Variants in GPR143 observed in about 807,000 individuals in gnomAD.
GPR143 encodes the protein G protein-coupled receptor 143.
Under a neutral mutation model 27.6 loss-of-function variants are expected in GPR143, and 8 were observed. The ratio of observed to expected loss-of-function variants is 0.29; its 90% CI spans 0.17 to 0.52. The LOEUF (loss-of-function observed/expected upper bound fraction) is 0.52, where lower values mean the gene tolerates loss of function less well. Among genes scored for constraint, GPR143 ranks in the 20% least tolerant of loss-of-function variants. The pLI is 0.96. For missense variants in GPR143, 303 were observed against 343.1 expected (o/e 0.88, Z 0.92); for synonymous variants, 156 against 153.2 (o/e 1.02, Z -0.13).
At chrX:9,740,775 A>G (rs2083400003) in intron 7 of GPR143, 1 of 283,204 alleles carries the variant, frequency 3.5e-6, no homozygotes, top group South Asian at 2.3e-4. Context: ...TTTTTTTGGA[A>G]CTCCAGGTTG....
At chrX:9,764,516 A>G (rs80142830) in intron 1 of GPR143, among the ~76,000 whole-genome samples, 762 of 18,618 alleles carry the variant, frequency 0.041, 20 homozygotes, top group Admixed American at 0.2. Flanking sequence ...ACACACACAC[A>G]CACACACACA....
chrX:9,750,744 G>A (rs2083447953), intron 3 of GPR143, among the ~76,000 whole-genome samples: 1 of 111,149 alleles, frequency 9.0e-6, no homozygotes, highest in Non-Finnish European at 1.9e-5. Context: ...TGTATTTTTA[G>A]TAGAGGCAGC....
At chrX:9,765,124 C>T (rs1456673564) in intron 1 of GPR143, among the ~76,000 whole-genome samples, 1 of 112,704 alleles carries the variant, frequency 8.9e-6, no homozygotes, top group Non-Finnish European at 1.9e-5. Context: ...ACGGCCAGCC[C>T]AACCCGCTAG....
Position 9,765,788 on chromosome X carries a change from GC to G in GPR143, c.29del (p.Cys10SerfsTer13). 8.9e-7 allele frequency: 1 copy of G among 1,122,657 alleles called. No homozygotes were observed. Among genetic ancestry groups the G allele is most frequent in the Non-Finnish European group, 1.2e-6 (1 of 855,564 alleles). 92.5% of individuals were successfully genotyped at this position (1,122,657 alleles called of 1,213,427 possible). A position where few individuals can be genotyped will look rare whatever the true frequency, so the allele number is the denominator to read the frequency against. ...GCGTGGCTGCGTCCCGCGTGGGGCA[GC>G]AGAAGGTCCCTAGGCGCGGGGAGGC... MASPRLGTF[C>X]CPTRDAATQL... is the part of the protein sequence containing the mutation. On this transcript the variant is annotated frameshift_variant, in exon 1 of 9. Transcript: ENST00000467482. LOFTEE classifies it high-confidence loss of function.
At chrX:9,769,674 C>T (rs1161648068), upstream of GPR143, among the ~76,000 whole-genome samples, 2 of 111,403 alleles carry the variant, frequency 1.8e-5, no homozygotes, top group African/African-American at 3.3e-5. Context: ...CTCTGCCTCC[C>T]GGGTTCAAGT....
At chrX:9,763,877 C>A (rs1460486784) in intron 1 of GPR143, among the ~76,000 whole-genome samples, 2 of 112,744 alleles carry the variant, frequency 1.8e-5, no homozygotes, top group Non-Finnish European at 3.7e-5. Context: ...AGGGTAAAGG[C>A]AGCCATGAAT....
intron 8 of GPR143, among the ~76,000 whole-genome samples, chrX:9,728,267 T>C (rs1252234815): frequency 9.1e-6 from 1 of 110,159 alleles, no homozygotes; most frequent in Non-Finnish European, 1.9e-5. Flanking sequence ...GTCACATAGG[T>C]GCCTTGACAG....
chrX:9,734,788 C>T (rs1244406028), intron 8 of GPR143, among the ~76,000 whole-genome samples: 13 of 111,891 alleles, frequency 1.2e-4, no homozygotes, highest in Non-Finnish European at 3.8e-5. Flanking sequence ...AACACAGCCC[C>T]GGCCAGGCTC....
chrX:9,726,473 C>G (rs771087327), intron 8 of GPR143, among the ~76,000 whole-genome samples: 4 of 111,855 alleles, frequency 3.6e-5, no homozygotes, highest in Non-Finnish European at 5.6e-5. Flanking sequence ...TAGTACATGC[C>G]TGGTAACTCT....
chrX:9,766,899 TCTCTCACACACACACACA>T (rs1439092127), upstream of GPR143, among the ~76,000 whole-genome samples: 2 of 67,111 alleles, frequency 3.0e-5, no homozygotes, highest in African/African-American at 1.2e-4. Context: ...CCTATCTCTC[TCTCTCACACACACACACA>T]CACACACACA....
chrX:9,746,471 A>G (rs2083428963), intron 4 of GPR143, among the ~76,000 whole-genome samples: 1 of 110,451 alleles, frequency 9.1e-6, no homozygotes, highest in Non-Finnish European at 1.9e-5. Context: ...GATTCCCTGC[A>G]CTGGGTCTCA....
chrX:9,759,458 CT>C (rs769824928), intron 2 of GPR143, 32 bp from the exon 3 acceptor site: 21 of 997,441 alleles, frequency 2.1e-5, no homozygotes, highest in Non-Finnish European at 2.8e-6. Flanking sequence ...ATCAAAATGT[CT>C]GGAAACAGGT....
chrX:9,770,953 A>G, upstream of GPR143, among the ~76,000 whole-genome samples: 1 of 112,060 alleles, frequency 8.9e-6, no homozygotes. Context: ...GAGCAATGGT[A>G]TAGATTCTGT....
chrX:9,744,741 GA>G (rs762994681), intron 5 of GPR143, among the ~76,000 whole-genome samples: 1 of 111,749 alleles, frequency 8.9e-6, no homozygotes, highest in Non-Finnish European at 1.9e-5. Flanking sequence ...TTAAAATATT[GA>G]AAAAAATTTA....
chrX:9,733,645 T>C (rs2083365608), intron 8 of GPR143, among the ~76,000 whole-genome samples: 1 of 110,952 alleles, frequency 9.0e-6, no homozygotes, highest in African/African-American at 3.3e-5. Flanking sequence ...GAAAGGATTA[T>C]TGGGAAGAAT....
chrX:9,759,567 A>G, intron 2 of GPR143, 141 bp from the exon 3 acceptor site: 1 of 514,203 alleles, frequency 1.9e-6, no homozygotes, highest in Admixed American at 2.7e-5. Context: ...ACAAGTGGGC[A>G]CAGTTCCTGG....
At chrX:9,773,470 G>C (rs1167356459) in intron 1 of GPR143, among the ~76,000 whole-genome samples, 1 of 90,278 alleles carries the variant, frequency 1.1e-5, no homozygotes, top group African/African-American at 4.2e-5. Flanking sequence ...CTTTGGAGTG[G>C]CTTTGAAAGT....
In GPR143 at chrX:9,739,409, C is replaced by G. The variant is rs757810918; in HGVS notation, c.1120+76G>C. 13 of 713,592 alleles carry G rather than the reference C, an allele frequency of 1.8e-5. No homozygotes were observed. The South Asian group carries it at 2.7e-4, about 15-fold the overall frequency. 58.8% of individuals were successfully genotyped at this position (713,592 alleles called of 1,213,427 possible). On this transcript the variant is annotated intron_variant, in intron 8 of 8. Transcript: ENST00000467482. Reference sequence around the variant, plus strand: ...GCCATGCACAGGACAGCCCCCGGGACAAAGAATCCTCTAAGGCTTTCCAAG... The same window carrying G: ...GCCATGCACAGGACAGCCCCCGGGAGAAAGAATCCTCTAAGGCTTTCCAAG...
chrX:9,760,206 C>G (rs757905686), intron 2 of GPR143, among the ~76,000 whole-genome samples: 39 of 111,291 alleles, frequency 3.5e-4, no homozygotes, highest in African/African-American at 1.2e-3. Context: ...ATTCTCCTGT[C>G]TTAGCCACCT....
Sources: gnomAD v4.1 joint callset for allele counts (sites outside exome capture counted in the v4.1 genomes callset) on GRCh38, gnomAD v4.1.1 for gene constraint, MANE v1.5 for transcripts, NCBI Gene and HGNC (gene_info 2026-07-23, HGNC 2026-07-21) for gene names.